Variants in EPHA5 observed in about 807,000 individuals in gnomAD.
The protein encoded by EPHA5 is EPH receptor A5, also known as ephrin type-A receptor 5.
EPHA5 carries 60 observed loss-of-function variants against 105.0 expected under a neutral mutation model. The observed-to-expected ratio is 0.57, with a 90% CI of 0.46 to 0.71. The LOEUF (loss-of-function observed/expected upper bound fraction) is 0.71, where lower values mean the gene tolerates loss of function less well. Among genes scored for constraint, EPHA5 ranks in the 30% least tolerant of loss-of-function variants. EPHA5 has a pLI of 0.00. For missense variants in EPHA5, 1,218 were observed against 1,274.7 expected, an observed-to-expected ratio of 0.96 and a Z score of 0.68; for synonymous variants, 513 against 449.1, an observed-to-expected ratio of 1.14 and a Z score of -1.80.
At chr4:65,492,987 TG>T (rs1381770847) in intron 4 of EPHA5, among the ~76,000 whole-genome samples, 4 of 60,116 alleles carry the variant, frequency 6.7e-5, no homozygotes, top group Non-Finnish European at 1.4e-4. Context: ...TGTTTTGTTT[TG>T]TTTTGTTTTT....
At chr4:65,408,509 C>T (rs1722588802) in intron 7 of EPHA5, among the ~76,000 whole-genome samples, 1 of 151,812 alleles carries the variant, frequency 6.6e-6, no homozygotes, top group South Asian at 2.1e-4. Context: ...AACAAACAAC[C>T]CCATTAAAAA....
chr4:65,651,562 A>T (rs923495631), intron 1 of EPHA5, among the ~76,000 whole-genome samples: 1 of 152,218 alleles, frequency 6.6e-6, no homozygotes, highest in African/African-American at 2.4e-5. Context: ...TTCCTAAAAG[A>T]GATGACTTTT....
intron 3 of EPHA5, among the ~76,000 whole-genome samples, chr4:65,574,731 CATATATATATACAT>C (rs1560718275): frequency 4.3e-4 from 37 of 85,576 alleles, no homozygotes; most frequent in African/African-American, 1.8e-3. Context: ...CATATATATA[CATATATATATACAT>C]ATATATATAT....
chr4:65,379,983 CA>C (rs1445795858), intron 8 of EPHA5, among the ~76,000 whole-genome samples: 4 of 151,756 alleles, frequency 2.6e-5, no homozygotes, highest in Non-Finnish European at 5.9e-5. Context: ...TTCACAGTAA[CA>C]GCTTGACATC....
intron 5 of EPHA5, among the ~76,000 whole-genome samples, chr4:65,453,763 G>A (rs1727292158): frequency 6.6e-6 from 1 of 152,168 alleles, no homozygotes; most frequent in South Asian, 2.1e-4. Flanking sequence ...GACCCTGGAA[G>A]CATGCCAACA....
At chr4:65,495,014 AAAG>A (rs869188367) in intron 4 of EPHA5, among the ~76,000 whole-genome samples, 5 of 133,090 alleles carry the variant, frequency 3.8e-5, no homozygotes, top group African/African-American at 1.4e-4. Context: ...AAGAAAGAAG[AAAG>A]AAGAAGAGGA....
At chr4:65,420,865 T>A (rs967191085) in intron 5 of EPHA5, among the ~76,000 whole-genome samples, 2 of 152,024 alleles carry the variant, frequency 1.3e-5, no homozygotes, top group Non-Finnish European at 2.9e-5. Context: ...TTCCTGATTA[T>A]TTTATGTATC....
At chr4:65,508,338 G>T (rs935458179) in intron 3 of EPHA5, among the ~76,000 whole-genome samples, 4 of 152,110 alleles carry the variant, frequency 2.6e-5, no homozygotes, top group Admixed American at 6.6e-5. Flanking sequence ...AGTATGTTGT[G>T]GTTAACGCAA....
At chr4:65,471,811 T>C (rs1471258479) in intron 5 of EPHA5, among the ~76,000 whole-genome samples, 1 of 152,090 alleles carries the variant, frequency 6.6e-6, no homozygotes, top group East Asian at 1.9e-4. Flanking sequence ...CATGTAGGGA[T>C]TATGGGGATT....
intron 3 of EPHA5, among the ~76,000 whole-genome samples, chr4:65,504,379 T>G (rs190232636): frequency 2.6e-4 from 39 of 150,594 alleles, no homozygotes; most frequent in Non-Finnish European, 3.4e-4. Flanking sequence ...TATATATATA[T>G]ATAGATAGAA....
chr4:65,544,588 C>T (rs888004078), intron 3 of EPHA5, among the ~76,000 whole-genome samples: 1 of 151,672 alleles, frequency 6.6e-6, no homozygotes, highest in Admixed American at 6.6e-5. Context: ...CAGATGCTGG[C>T]ATGGCTATGG....
At chr4:65,456,658 T>C (rs954011707) in intron 5 of EPHA5, among the ~76,000 whole-genome samples, 2 of 152,142 alleles carry the variant, frequency 1.3e-5, no homozygotes, top group Non-Finnish European at 2.9e-5. Flanking sequence ...ACAATTATTT[T>C]AGTGAAATAT....
At chr4:65,426,330 T>C (rs1458621335) in intron 5 of EPHA5, among the ~76,000 whole-genome samples, 1 of 152,226 alleles carries the variant, frequency 6.6e-6, no homozygotes, top group Non-Finnish European at 1.5e-5. Flanking sequence ...TAGTTTAGAA[T>C]GTCCTTCCTT....
At chr4:65,569,070 C>T (rs1739851521) in intron 3 of EPHA5, among the ~76,000 whole-genome samples, 1 of 151,246 alleles carries the variant, frequency 6.6e-6, no homozygotes. Context: ...ACTATGCAAA[C>T]ATGCCATTGC....
At chr4:65,598,566 A>G (rs979984687) in intron 3 of EPHA5, among the ~76,000 whole-genome samples, 2 of 152,150 alleles carry the variant, frequency 1.3e-5, no homozygotes, top group Admixed American at 6.6e-5. Flanking sequence ...AGTAGAAAAA[A>G]TAATTAAACA....
chr4:65,395,415 C>T (rs544291831), intron 8 of EPHA5, among the ~76,000 whole-genome samples: 4 of 152,216 alleles, frequency 2.6e-5, no homozygotes, highest in South Asian at 2.1e-4. Context: ...ATTGTGAAGA[C>T]GTCATTTACA....
intron 8 of EPHA5, among the ~76,000 whole-genome samples, chr4:65,381,018 A>G (rs1308602409): frequency 6.6e-6 from 1 of 151,752 alleles, no homozygotes; most frequent in Non-Finnish European, 1.5e-5. Flanking sequence ...TGCACCACAC[A>G]GGGTTGCTTT....
chr4:65,329,321 A>T (rs12643661), intron 16 of EPHA5, among the ~76,000 whole-genome samples: 21 of 151,194 alleles, frequency 1.4e-4, no homozygotes, highest in Non-Finnish European at 7.4e-5. Flanking sequence ...TTTGACTCTC[A>T]GACCTCTAAG....
intron 5 of EPHA5, among the ~76,000 whole-genome samples, chr4:65,450,711 A>AT (rs1379683580): frequency 1.3e-5 from 2 of 152,116 alleles, no homozygotes; most frequent in East Asian, 3.8e-4. Context: ...AGCTCAATTC[A>AT]TTTTTTTGAC....
Sources: gnomAD v4.1 joint callset for allele counts (sites outside exome capture counted in the v4.1 genomes callset) on GRCh38, gnomAD v4.1.1 for gene constraint, MANE v1.5 for transcripts, NCBI Gene and HGNC (gene_info 2026-07-23, HGNC 2026-07-21) for gene names.